Variants in MRTFB observed in about 807,000 individuals in gnomAD.
MRTFB encodes the protein myocardin-related transcription factor B.
Under a neutral mutation model 104.2 loss-of-function variants are expected in MRTFB, and 29 were observed. That is an observed-to-expected ratio of 0.28 (90% CI 0.21 to 0.38). The LOEUF (loss-of-function observed/expected upper bound fraction) is 0.38. Among genes scored for constraint, MRTFB ranks in the 10% least tolerant of loss-of-function variants. MRTFB has a pLI of 1.00. For missense variants in MRTFB, 1,270 were observed against 1,341.6 expected (o/e 0.95, Z 0.83); for synonymous variants, 535 against 519.5 (o/e 1.03, Z -0.41).
chr16:14,255,676 G>GA (rs1377822530), intron 15 of MRTFB, among the ~76,000 whole-genome samples: 10 of 152,296 alleles, frequency 6.6e-5, no homozygotes, highest in Admixed American at 6.5e-4. Flanking sequence ...AAGGATGGGG[G>GA]AGGAAATGAG....
chr16:14,050,897 T>C, the MRTFB span, among the ~76,000 whole-genome samples: 3 of 152,128 alleles, frequency 2.0e-5, no homozygotes, highest in Non-Finnish European at 4.4e-5. Context: ...CCAATGCCCT[T>C]GCAAAGATGT....
the MRTFB span, among the ~76,000 whole-genome samples, chr16:14,058,726 T>G: frequency 1.5e-4 from 21 of 141,336 alleles, no homozygotes; most frequent in African/African-American, 4.9e-4. Context: ...TTTTTTTTTT[T>G]TTTTTTTTTT....
intron 3 of MRTFB, chr16:14,152,881 T>C (rs575457333): frequency 6.6e-6 from 1 of 152,336 alleles, no homozygotes; most frequent in South Asian, 2.1e-4. Context: ...ATAAAAGTCC[T>C]ATACAATCAA....
chr16:14,239,002 G>T (rs570536485), intron 9 of MRTFB, among the ~76,000 whole-genome samples: 4 of 152,138 alleles, frequency 2.6e-5, no homozygotes, highest in African/African-American at 9.7e-5. Flanking sequence ...TCAGGCTACC[G>T]GTGTGATATT....
At chr16:14,228,023 A>C (rs1420935783) in intron 8 of MRTFB, among the ~76,000 whole-genome samples, 1 of 152,152 alleles carries the variant, frequency 6.6e-6, no homozygotes, top group Non-Finnish European at 1.5e-5. Context: ...TTGGCCAATA[A>C]GCATCTAACA....
intron 2 of MRTFB, among the ~76,000 whole-genome samples, chr16:14,090,920 GTA>G (rs1555481469): frequency 3.6e-5 from 5 of 140,034 alleles, no homozygotes; most frequent in Non-Finnish European, 7.9e-5. Context: ...GTGTGTGTGT[GTA>G]GTTCTGTATA....
At chr16:14,198,648 CAA>C (rs1285856099) in intron 3 of MRTFB, among the ~76,000 whole-genome samples, 1 of 152,212 alleles carries the variant, frequency 6.6e-6, no homozygotes, top group Non-Finnish European at 1.5e-5. Flanking sequence ...TCACTGGCCT[CAA>C]AATTAACTTT....
chr16:14,160,569 A>G (rs773104368), intron 3 of MRTFB, among the ~76,000 whole-genome samples: 2 of 151,888 alleles, frequency 1.3e-5, no homozygotes, highest in Admixed American at 6.6e-5. Flanking sequence ...CTGTTTCCCA[A>G]CCTCCTTTCA....
At position 14,131,474 on chromosome 16, in the gene MRTFB, A is replaced by AT. The variant is rs563997491; in HGVS notation, c.-63-9062dup. On this transcript the variant is annotated intron_variant, in intron 2 of 16. Transcript: ENST00000571589. Reference sequence around the variant, plus strand: ...AAAAATTTGACTTATTCAAAATTAAATTTTTTTTGTCTGTCAAAGCACATT... The same window carrying AT: ...AAAAATTTGACTTATTCAAAATTAAATTTTTTTTTGTCTGTCAAAGCACATT... Among the ~76,000 whole-genome samples the AT allele has an allele frequency of 1.3e-3, 192 of 152,026 alleles. 2 individuals are homozygous for AT. Among genetic ancestry groups the AT allele is most frequent in the Non-Finnish European group, 2.4e-3 (165 of 67,990 alleles).
chr16:14,196,257 C>T (rs1031611192), intron 3 of MRTFB, among the ~76,000 whole-genome samples: 16 of 152,250 alleles, frequency 1.1e-4, no homozygotes, highest in Non-Finnish European at 1.9e-4. Context: ...AGTGTTGAAA[C>T]ATTGTCTTCC....
chr16:14,114,558 T>G (rs1487428446), intron 2 of MRTFB, among the ~76,000 whole-genome samples: 2 of 152,206 alleles, frequency 1.3e-5, no homozygotes, highest in African/African-American at 4.8e-5. Context: ...GAGGCTGCGT[T>G]CCACCATGCT....
At position 14,186,849 on chromosome 16, in the gene MRTFB, C is replaced by T. The variant is rs1261062704; in HGVS notation, c.155-23394C>T. The T allele has an allele frequency of 2.2e-5, 35 of 1,595,902 alleles. No individual in the cohort carries two copies. The East Asian group carries it at 7.6e-4, about 35-fold the overall frequency. ...GGACCAGAGTGTTCTGCGCACCGCA[C>T]TTCGCTCTTCTGCAAATTAAGCTTT... On this transcript the variant is annotated intron_variant, in intron 3 of 16. Coordinates refer to ENST00000571589, the MANE Select transcript of MRTFB (RefSeq NM_001308142.2).
intron 13 of MRTFB, among the ~76,000 whole-genome samples, chr16:14,250,230 A>T (rs144223829): frequency 6.6e-6 from 1 of 152,352 alleles, no homozygotes; most frequent in African/African-American, 2.4e-5. Context: ...TACAGAACTC[A>T]TCACCATGGA....
At chr16:13,999,822 T>C in the MRTFB span, among the ~76,000 whole-genome samples, 1 of 152,182 alleles carries the variant, frequency 6.6e-6, no homozygotes, top group Non-Finnish European at 1.5e-5. Flanking sequence ...TATAAGCCAA[T>C]GTAAGTGGGG....
At chr16:14,204,817 A>G (rs2040869304) in intron 3 of MRTFB, among the ~76,000 whole-genome samples, 1 of 152,340 alleles carries the variant, frequency 6.6e-6, no homozygotes, top group Non-Finnish European at 1.5e-5. Context: ...AATTAGTCTC[A>G]TTACTTTATG....
chr16:14,128,098 A>T (rs1328149152), intron 2 of MRTFB, among the ~76,000 whole-genome samples: 1 of 151,944 alleles, frequency 6.6e-6, no homozygotes, highest in Admixed American at 6.6e-5. Flanking sequence ...AGACAGAAGA[A>T]CAGCTCTGAA....
chr16:14,215,929 T>C (rs1404717003), intron 6 of MRTFB, among the ~76,000 whole-genome samples: 1 of 152,260 alleles, frequency 6.6e-6, no homozygotes, highest in Non-Finnish European at 1.5e-5. Context: ...CCAAACGAAT[T>C]TGACAGTGAT....
chr16:14,236,868 G>A (rs1208185553), intron 9 of MRTFB, among the ~76,000 whole-genome samples: 1 of 152,196 alleles, frequency 6.6e-6, no homozygotes, highest in Non-Finnish European at 1.5e-5. Flanking sequence ...TGCACAGCAG[G>A]AGACAGTGGC....
At position 14,247,228 on chromosome 16, in the gene MRTFB, A is replaced by G; in HGVS notation, c.1968A>G (p.Val656=). The change falls in exon 12 of 17, where the codon GTA becomes GTG. Residue 656 remains valine (V), a synonymous_variant. Transcript: ENST00000571589. ...DCSSSRQPIP[V]ASHAVGQPVS... ...CCAGCTCCAGGCAGCCCATCCCAGT[A>G]GCCAGCCACGCTGTAGGCCAGCCCG... is the stretch of plus-strand genomic sequence containing the variant. 6.2e-7 allele frequency: 1 copy of G among 1,614,192 alleles called. No individual in the cohort carries two copies.
Sources: allele counts gnomAD v4.1 joint callset (sites outside exome capture counted in the v4.1 genomes callset), GRCh38; gene constraint gnomAD v4.1.1; transcripts MANE v1.5; gene names NCBI Gene and HGNC (gene_info 2026-07-23, HGNC 2026-07-21).